Variants in EMC2 observed in about 807,000 individuals in gnomAD.
The protein encoded by EMC2 is ER membrane protein complex subunit 2, also known as TPR repeat protein 35.
EMC2 carries 37 observed loss-of-function variants against 51.6 expected under a neutral mutation model. That is an observed-to-expected ratio of 0.72 (90% CI 0.55 to 0.94). The LOEUF (loss-of-function observed/expected upper bound fraction) is 0.94, where lower values mean the gene tolerates loss of function less well. Among genes scored for constraint, EMC2 ranks in the 40% least tolerant of loss-of-function variants. EMC2 has a pLI of 0.00. For missense variants in EMC2, 359 were observed against 350.9 expected (o/e 1.02, Z -0.18); for synonymous variants, 131 against 112.4 (o/e 1.17, Z -1.04).
chr8:108,477,950 A>G lies in EMC2; in HGVS notation c.703-1056A>G, dbSNP rs147008212. ...ACAGATTTAATTAATTTGCCCAAAG[A>G]TGGGCACAGAGCTCCTAAATGATCG... On this transcript the variant is annotated intron_variant, in intron 9 of 10. Coordinates refer to ENST00000220853, the MANE Select transcript of EMC2 (RefSeq NM_014673.5). Among the ~76,000 whole-genome samples, 8 of 152,138 alleles carry G rather than the reference A, an allele frequency of 5.3e-5. No individual in the cohort carries two copies. The East Asian group carries it at 1.5e-3, about 29-fold the overall frequency.
intron 4 of EMC2, among the ~76,000 whole-genome samples, chr8:108,453,415 CTT>C (rs1819078368): frequency 6.6e-6 from 1 of 152,126 alleles, no homozygotes; most frequent in East Asian, 1.9e-4. Context: ...TGTAGGAGGT[CTT>C]TATATATTCT....
At position 108,479,052 on chromosome 8, in the gene EMC2, A is replaced by G. The variant is rs2130408683; in HGVS notation, c.749A>G (p.Lys250Arg). 1.3e-6 allele frequency: 2 copies of G among 1,591,142 alleles called. No individual in the cohort carries two copies. The highest frequency in any genetic ancestry group is 1.8e-5 in the Admixed American group (1 of 57,106). Reference protein sequence around the residue: ...ASNPKASAKTKKDNMKYASWA... With the variant: ...ASNPKASAKTRKDNMKYASWA... ...AATCCAAAAGCAAGTGCAAAAACGA[A>G]AAAGGACAACATGAAATATGCTAGT... The change falls in exon 10 of 11, where the codon AAA becomes AGA. Residue 250 changes from lysine to arginine, a missense_variant. Physicochemically the swap from Lys to Arg is conservative, Grantham distance 26 (BLOSUM62 2). Transcript: ENST00000220853.
chr8:108,456,340 AAAAAAAAG>A (rs1276806776), intron 5 of EMC2, among the ~76,000 whole-genome samples: 5 of 147,174 alleles, frequency 3.4e-5, no homozygotes, highest in African/African-American at 1.2e-4. Context: ...GTCAAAAAAA[AAAAAAAAG>A]AAAAAAAAAA....
chr8:108,462,971 TTCTCA>T lies in EMC2; in HGVS notation c.364-6851_364-6847del, dbSNP rs547145698. Among the ~76,000 whole-genome samples the T allele has an allele frequency of 2.3e-3, 352 of 152,342 alleles. 1 individual carries two copies. Among genetic ancestry groups the T allele is most frequent in the Non-Finnish European group, 3.5e-3 (236 of 68,032 alleles). ...CTTTTACGCTTTTTTCAAATTTCAT[TTCTCA>T]TCTGATAAAGAGAGGGCAAGGTTCT... On this transcript the variant is annotated intron_variant, in intron 5 of 10. Coordinates refer to ENST00000220853, the MANE Select transcript of EMC2 (RefSeq NM_014673.5).
intron 1 of EMC2, 62 bp downstream of exon 1, chr8:108,443,760 C>A: frequency 2.1e-6 from 3 of 1,450,500 alleles, no homozygotes; most frequent in South Asian, 2.4e-5. Flanking sequence ...TTCGGGAGTA[C>A]CCGCTGCTTT....
At chr8:108,471,223 T>C (rs1810849281) in intron 7 of EMC2, among the ~76,000 whole-genome samples, 1 of 151,984 alleles carries the variant, frequency 6.6e-6, no homozygotes. Flanking sequence ...TTCTTACACA[T>C]GTGAAACAGT....
At chr8:108,480,641 GT>G (rs1002971396) in intron 10 of EMC2, among the ~76,000 whole-genome samples, 1 of 151,964 alleles carries the variant, frequency 6.6e-6, no homozygotes, top group African/African-American at 2.4e-5. Context: ...CTTCCTTTTT[GT>G]TTTGTTTTCT....
chr8:108,483,470 G>A (rs140860031), intron 10 of EMC2, among the ~76,000 whole-genome samples: 352 of 152,214 alleles, frequency 2.3e-3, no homozygotes, highest in African/African-American at 7.9e-3. Flanking sequence ...CTATAACTTT[G>A]TATAAATGAG....
At chr8:108,476,066 A>G (rs1204714525) in intron 8 of EMC2, 103 bp downstream of exon 8, 2 of 619,734 alleles carry the variant, frequency 3.2e-6, no homozygotes, top group Non-Finnish European at 5.5e-6. Flanking sequence ...GTATATAAAT[A>G]TTTAAAACAT....
At chr8:108,446,661 T>C (rs1818884191) in intron 1 of EMC2, among the ~76,000 whole-genome samples, 1 of 152,164 alleles carries the variant, frequency 6.6e-6, no homozygotes, top group Non-Finnish European at 1.5e-5. Context: ...TTTTAGGAAA[T>C]GAAGATGACT....
At chr8:108,448,332 C>G (rs1181635301) in intron 1 of EMC2, among the ~76,000 whole-genome samples, 22 of 152,122 alleles carry the variant, frequency 1.4e-4, no homozygotes. Context: ...ATGTTCTTTC[C>G]AGTATACTAT....
intron 10 of EMC2, among the ~76,000 whole-genome samples, chr8:108,479,671 T>G (rs1811012416): frequency 6.6e-6 from 1 of 152,194 alleles, no homozygotes; most frequent in Admixed American, 6.6e-5. Flanking sequence ...TCTTTAGCCT[T>G]ATTTGTCTAT....
intron 3 of EMC2, among the ~76,000 whole-genome samples, chr8:108,452,767 G>T (rs778028268): frequency 7.2e-5 from 11 of 152,106 alleles, no homozygotes; most frequent in Non-Finnish European, 1.6e-4. Flanking sequence ...TATAGAAGTA[G>T]TTTTTAAGGA....
At chr8:108,474,719 A>G (rs1182974870) in intron 7 of EMC2, 1 of 151,828 alleles carries the variant, frequency 6.6e-6, no homozygotes, top group Admixed American at 6.6e-5. Context: ...TCAGTTTTTC[A>G]ATGTGATGTG....
intron 7 of EMC2, among the ~76,000 whole-genome samples, chr8:108,472,097 T>G (rs1810867838): frequency 6.6e-6 from 1 of 152,042 alleles, no homozygotes; most frequent in African/African-American, 2.4e-5. Context: ...TTATAGAAAC[T>G]TTACATTTTT....
chr8:108,471,090 T>G (rs1281689438), intron 7 of EMC2: 1 of 151,964 alleles, frequency 6.6e-6, no homozygotes, highest in South Asian at 2.1e-4. Flanking sequence ...TAGGAACTGT[T>G]TTTCAAGTTC....
intron 5 of EMC2, among the ~76,000 whole-genome samples, chr8:108,464,704 G>A (rs1287564010): frequency 5.3e-5 from 8 of 152,196 alleles, no homozygotes; most frequent in Admixed American, 4.6e-4. Flanking sequence ...TTGCAGTGAT[G>A]AGTAGAGTAA....
chr8:108,455,430 T>C (rs370380250), intron 4 of EMC2, among the ~76,000 whole-genome samples: 6 of 152,208 alleles, frequency 3.9e-5, no homozygotes, highest in African/African-American at 9.6e-5. Context: ...CCATCTCTGT[T>C]TACATTACCC....
chr8:108,465,655 T>C (rs1819448999), intron 5 of EMC2, among the ~76,000 whole-genome samples: 1 of 152,210 alleles, frequency 6.6e-6, no homozygotes, highest in African/African-American at 2.4e-5. Flanking sequence ...CATTTCTTAA[T>C]GCCTCCAGAT....
Sources: gnomAD v4.1 joint callset for allele counts (sites outside exome capture counted in the v4.1 genomes callset) on GRCh38, gnomAD v4.1.1 for gene constraint, MANE v1.5 for transcripts, NCBI Gene and HGNC (gene_info 2026-07-23, HGNC 2026-07-21) for gene names.